Variants in CDH23 observed in about 807,000 individuals in gnomAD.
The protein encoded by CDH23 is cadherin related 23, also known as cadherin-23.
Under a neutral mutation model 317.1 loss-of-function variants are expected in CDH23, and 189 were observed. That is an observed-to-expected ratio of 0.60 (90% confidence interval 0.53 to 0.67). CDH23 has a LOEUF of 0.67. Among genes scored for constraint, CDH23 ranks in the 30% least tolerant of loss-of-function variants. The pLI, the probability that CDH23 is intolerant of heterozygous loss-of-function variation, is 0.00. For missense variants in CDH23, 4,401 were observed against 4,592.4 expected (o/e 0.96, Z 1.20); for synonymous variants, 1,839 against 1,876.8 (o/e 0.98, Z 0.52).
In CDH23 at chr10:71,751,577, C is replaced by T. The variant is rs1840003457; in HGVS notation, c.4845+9656C>T. ...CACCCCGTGAGGCCGTGGAACTCTTCAGGGAGGGCAGGGAGTGAGGCCGAT... is the reference window on the plus strand; with the variant it reads ...CACCCCGTGAGGCCGTGGAACTCTTTAGGGAGGGCAGGGAGTGAGGCCGAT... On this transcript the variant is annotated intron_variant, in intron 38 of 69. Coordinates refer to ENST00000224721, the MANE Select transcript of CDH23 (RefSeq NM_022124.6). The surrounding 1 kb of genome is among the most constrained non-coding windows in gnomAD (Gnocchi z 4.9). 1 of 1,430,006 alleles carries T rather than the reference C, an allele frequency of 7.0e-7. No homozygotes were observed. The highest frequency in any genetic ancestry group is 9.4e-7 in the Non-Finnish European group (1 of 1,068,088). 88.6% of individuals were successfully genotyped at this position (1,430,006 alleles called of 1,614,324 possible). A position where few individuals can be genotyped will look rare whatever the true frequency, so the allele number is the denominator to read the frequency against.
intron 46 of CDH23, 78 bp from the exon 47 acceptor site, chr10:71,791,053 CT>C: frequency 8.9e-7 from 1 of 1,120,378 alleles, no homozygotes; most frequent in Non-Finnish European, 1.3e-6. Context: ...TCTCTGCTCT[CT>C]CCCTGTTGGT....
chr10:71,746,308 TTC>T (rs1196302097), intron 38 of CDH23, among the ~76,000 whole-genome samples: 10 of 152,216 alleles, frequency 6.6e-5, no homozygotes, highest in Admixed American at 4.6e-4. Flanking sequence ...CCAAGAGAAA[TTC>T]TCTGAGTCCC....
chr10:71,743,177 T>C (rs950282771), intron 38 of CDH23, among the ~76,000 whole-genome samples: 1 of 152,190 alleles, frequency 6.6e-6, no homozygotes, highest in Non-Finnish European at 1.5e-5. Flanking sequence ...AAATAAACTC[T>C]ACCTTCTGAA....
chr10:71,800,533 A>T, intron 52 of CDH23, 103 bp from the exon 53 acceptor site: 1 of 1,326,190 alleles, frequency 7.5e-7, no homozygotes, highest in Non-Finnish European at 1.0e-6. Flanking sequence ...TCTTTTGTTC[A>T]GTGTCAAATC....
At chr10:71,398,326 C>A (rs1847619235) in intron 1 of CDH23, among the ~76,000 whole-genome samples, 1 of 152,204 alleles carries the variant, frequency 6.6e-6, no homozygotes, top group Admixed American at 6.5e-5. Flanking sequence ...GTCCTTTGCC[C>A]TCTCAGACCA....
intron 3 of CDH23, among the ~76,000 whole-genome samples, chr10:71,453,438 A>G (rs1047098912): frequency 3.9e-5 from 6 of 152,228 alleles, no homozygotes; most frequent in African/African-American, 9.6e-5. Context: ...GTAGAGCTGA[A>G]TGGGAGGCCA....
At chr10:71,606,957 G>A (rs1165442002) in intron 9 of CDH23, among the ~76,000 whole-genome samples, 1 of 152,182 alleles carries the variant, frequency 6.6e-6, no homozygotes, top group East Asian at 1.9e-4. Context: ...GTTGAAAGCC[G>A]AGGTAACCCA....
intron 3 of CDH23, among the ~76,000 whole-genome samples, chr10:71,505,691 C>G (rs183274173): frequency 3.0e-4 from 46 of 152,324 alleles, no homozygotes; most frequent in Admixed American, 2.9e-3. Flanking sequence ...CAGCTCCCAT[C>G]TCTCTATCAT....
chr10:71,776,222 A>G (rs756962687), intron 38 of CDH23, among the ~76,000 whole-genome samples: 1 of 152,074 alleles, frequency 6.6e-6, no homozygotes, highest in Non-Finnish European at 1.5e-5. Flanking sequence ...CTCCACCCCC[A>G]AGATCCAGAG....
chr10:71,562,377 A>C (rs75867057), intron 6 of CDH23, among the ~76,000 whole-genome samples: 1 of 152,192 alleles, frequency 6.6e-6, no homozygotes, highest in Non-Finnish European at 1.5e-5. Flanking sequence ...GTTAAAAAGA[A>C]GAGGGAGCTG....
At chr10:71,432,615 A>G (rs17706726) in intron 1 of CDH23, among the ~76,000 whole-genome samples, 60,541 of 152,034 alleles carry the variant, frequency 0.4, 13,219 homozygotes, top group East Asian at 0.51. Context: ...GAGAACCCTC[A>G]GTATGGGGCC....
chr10:71,591,433 A>G (rs1859487571), intron 9 of CDH23, among the ~76,000 whole-genome samples: 2 of 152,072 alleles, frequency 1.3e-5, no homozygotes, highest in Admixed American at 6.5e-5. Context: ...TCGTGTCCCC[A>G]CTGGACACAA....
chr10:71,797,735 A>G (rs1365731293), intron 49 of CDH23, among the ~76,000 whole-genome samples: 1 of 152,138 alleles, frequency 6.6e-6, no homozygotes, highest in South Asian at 2.1e-4. Context: ...CCTTCTGCCA[A>G]TCGGGCCCAG....
intron 6 of CDH23, among the ~76,000 whole-genome samples, chr10:71,545,836 G>A (rs558738692): frequency 2.0e-5 from 3 of 152,300 alleles, no homozygotes; most frequent in East Asian, 3.9e-4. Context: ...AGTGAAGCAC[G>A]CATTATCTTA....
At chr10:71,401,200 G>GTCAACTCCAGGAAGCCCTCCTGAGTCC (rs1318852360) in intron 1 of CDH23, among the ~76,000 whole-genome samples, 1 of 152,114 alleles carries the variant, frequency 6.6e-6, no homozygotes, top group African/African-American at 2.4e-5. Flanking sequence ...CTCAGGAGTC[G>GTCAACTCCAGGAAGCCCTCCTGAGTCC]TCAACTCCAG....
intron 6 of CDH23, among the ~76,000 whole-genome samples, chr10:71,561,118 C>T (rs1378185560): frequency 6.6e-6 from 1 of 151,996 alleles, no homozygotes; most frequent in African/African-American, 2.4e-5. Context: ...CATAAGTTTT[C>T]CTCTAGAATG....
intron 3 of CDH23, among the ~76,000 whole-genome samples, chr10:71,473,197 A>C (rs1851607752): frequency 6.6e-6 from 1 of 152,196 alleles, no homozygotes; most frequent in African/African-American, 2.4e-5. Flanking sequence ...ATGCTCCCGG[A>C]GTCTTCCCTA....
intron 12 of CDH23, chr10:71,645,555 G>C: frequency 1.6e-6 from 1 of 619,388 alleles, no homozygotes; most frequent in South Asian, 1.5e-5. Flanking sequence ...AGGAAATGGA[G>C]AGTGAACCAA....
intron 49 of CDH23, 115 bp downstream of exon 49, chr10:71,797,335 T>A (rs1450389381): frequency 2.8e-6 from 2 of 702,774 alleles, no homozygotes; most frequent in Non-Finnish European, 4.9e-6. Flanking sequence ...ACCCAGTTGC[T>A]CTGGGGGCCA....
Sources: allele counts gnomAD v4.1 joint callset (sites outside exome capture counted in the v4.1 genomes callset), GRCh38; gene constraint gnomAD v4.1.1; non-coding constraint Gnocchi (gnomAD v3.1); transcripts MANE v1.5; gene names NCBI Gene and HGNC (gene_info 2026-07-23, HGNC 2026-07-21).